Variants in MAP3K13 observed in about 807,000 individuals in gnomAD.
MAP3K13 encodes mitogen-activated protein kinase kinase kinase 13.
In MAP3K13, 52 loss-of-function variants were observed where a neutral mutation model predicts 104.0. The ratio of observed to expected loss-of-function variants is 0.50; its 90% CI spans 0.40 to 0.63. MAP3K13 has a LOEUF of 0.63. Ranked by LOEUF, MAP3K13 falls within the 20% of genes least tolerant of loss-of-function variation. The pLI is 0.00. For synonymous variants in MAP3K13, 394 were observed against 442.2 expected, an observed-to-expected ratio of 0.89 and a Z score of 1.37; for missense variants, 914 against 1,218.5, an observed-to-expected ratio of 0.75 and a Z score of 3.72.
intron 12 of MAP3K13, 170 bp from the exon 13 acceptor site, chr3:185,480,062 C>T (rs1560137016): frequency 3.0e-6 from 2 of 658,826 alleles, no homozygotes; most frequent in African/African-American, 1.8e-5. Context: ...AAAATTCAGT[C>T]CATTGCCTTA....
At chr3:185,389,819 T>A (rs555126611) in intron 1 of MAP3K13, among the ~76,000 whole-genome samples, 7 of 152,086 alleles carry the variant, frequency 4.6e-5, no homozygotes, top group South Asian at 2.1e-4. Flanking sequence ...TAATTTATTT[T>A]AAAAATAATA....
chr3:185,412,647 A>C (rs1407210241), intron 1 of MAP3K13, among the ~76,000 whole-genome samples: 1 of 152,340 alleles, frequency 6.6e-6, no homozygotes, highest in Middle Eastern at 3.4e-3. Flanking sequence ...TAAAAATTAA[A>C]GCTCAGGACT....
intron 11 of MAP3K13, among the ~76,000 whole-genome samples, chr3:185,474,634 T>C (rs1357944398): frequency 1.3e-5 from 2 of 152,212 alleles, no homozygotes; most frequent in Non-Finnish European, 2.9e-5. Context: ...CTTCACACTT[T>C]GGAAAACATT....
intron 7 of MAP3K13, among the ~76,000 whole-genome samples, chr3:185,456,205 A>G (rs1054540481): frequency 6.6e-6 from 1 of 152,014 alleles, no homozygotes; most frequent in Non-Finnish European, 1.5e-5. Flanking sequence ...TCCTGTTACC[A>G]AAGTTCTAAC....
chr3:185,375,204 TG>T (rs1369008698), intron 1 of MAP3K13, among the ~76,000 whole-genome samples: 13 of 152,090 alleles, frequency 8.5e-5, no homozygotes, highest in Non-Finnish European at 8.8e-5. Context: ...TTAGACCCTG[TG>T]GGAAAGGCCT....
chr3:185,307,634 C>A (rs1013277312), intron 2 of MAP3K13, among the ~76,000 whole-genome samples: 2 of 146,570 alleles, frequency 1.4e-5, no homozygotes, highest in Admixed American at 1.4e-4. Flanking sequence ...ACCTCCGCCT[C>A]CCAGGTTAAA....
rs1194337978 is a variant in MAP3K13, at chr3:185,431,236, T to C, written c.475+2180T>C. ...CCAAACTATATCACATATTGTTTTGTAATATTTTGTCACTTCATATTGTGA... is the reference window on the plus strand; with the variant it reads ...CCAAACTATATCACATATTGTTTTGCAATATTTTGTCACTTCATATTGTGA... On this transcript the variant is annotated intron_variant, in intron 2 of 13. Transcript: ENST00000265026. 5.3e-5 allele frequency among the ~76,000 whole-genome samples: 8 copies of C among 152,356 alleles called. No homozygotes were observed. In the East Asian group the frequency reaches 1.3e-3, roughly 26 times the overall value.
Position 185,488,600 on chromosome 3 carries a change from T to G in MAP3K13, c.*6144T>G, listed in dbSNP as rs1463194246. On this transcript the variant is annotated 3_prime_UTR_variant, in exon 14 of 14. Coordinates refer to ENST00000265026, the MANE Select transcript of MAP3K13 (RefSeq NM_004721.5). ...CCCTAAGCAGATGGCAAGGCCACTG[T>G]AAGGAAGCTCCCGGCAGCATCCCAG... is the stretch of plus-strand genomic sequence containing the variant. 6.6e-6 allele frequency: 1 copy of G among 152,210 alleles called. No homozygotes were observed. Among genetic ancestry groups the G allele is most frequent in the Non-Finnish European group, 1.5e-5 (1 of 68,090 alleles). The allele number at this position is 152,210 out of a possible 1,614,324, so 9.4% of individuals were successfully genotyped here.
chr3:185,469,687 G>A (rs75298920), intron 10 of MAP3K13, among the ~76,000 whole-genome samples: 5,242 of 152,304 alleles, frequency 0.034, 128 homozygotes, highest in Middle Eastern at 0.068. Flanking sequence ...AGCTGTGGCT[G>A]TTCAATGTGT....
intron 2 of MAP3K13, among the ~76,000 whole-genome samples, chr3:185,327,383 G>C (rs1353313474): frequency 6.6e-6 from 1 of 152,114 alleles, no homozygotes; most frequent in Non-Finnish European, 1.5e-5. Flanking sequence ...CATATTCACA[G>C]GTTCTCAGGA....
chr3:185,361,174 T>C (rs1194083967), upstream of MAP3K13, among the ~76,000 whole-genome samples: 1 of 150,962 alleles, frequency 6.6e-6, no homozygotes, highest in Admixed American at 6.6e-5. Context: ...TGTGTGTGTA[T>C]ATATTATATA....
chr3:185,306,905 A>G (rs970779445), intron 2 of MAP3K13, among the ~76,000 whole-genome samples: 56 of 152,176 alleles, frequency 3.7e-4, no homozygotes, highest in African/African-American at 1.3e-3. Flanking sequence ...TAGGATTATT[A>G]CAGTTTGAGG....
chr3:185,341,580 T>C (rs1430230264), intron 2 of MAP3K13, among the ~76,000 whole-genome samples: 3 of 152,190 alleles, frequency 2.0e-5, no homozygotes, highest in Non-Finnish European at 4.4e-5. Flanking sequence ...AAGCCTGTGG[T>C]AGTGATTTTA....
chr3:185,343,239 A>C lies in MAP3K13; in HGVS notation c.-86+57596A>C, dbSNP rs141863418. Among the ~76,000 whole-genome samples, 290 of 152,328 alleles carry C rather than the reference A, an allele frequency of 1.9e-3. 2 individuals carry two copies. Among genetic ancestry groups the C allele is most frequent in the African/African-American group, 6.6e-3 (273 of 41,566 alleles). ...AGTATTACACTCAAAGAGGGGAATC[A>C]CACAAGGGTGTGAACACGAGAAGGT... On this transcript the variant is annotated intron_variant, in intron 2 of 14. Transcript: ENST00000424227.
chr3:185,455,775 TATATATATGAGATATATATATG>T (rs1716659764), intron 7 of MAP3K13, among the ~76,000 whole-genome samples: 1 of 66,578 alleles, frequency 1.5e-5, no homozygotes, highest in Non-Finnish European at 2.9e-5. Context: ...ATATATATGA[TATATATATGAGATATATATATG>T]AGATATATGA....
chr3:185,334,375 CA>C (rs1722392404), intron 2 of MAP3K13, among the ~76,000 whole-genome samples: 1 of 151,976 alleles, frequency 6.6e-6, no homozygotes, highest in Non-Finnish European at 1.5e-5. Flanking sequence ...TGAAAAGTAA[CA>C]AAAAGGTAAA....
intron 7 of MAP3K13, among the ~76,000 whole-genome samples, chr3:185,459,651 T>C (rs1230409075): frequency 6.6e-6 from 1 of 152,030 alleles, no homozygotes; most frequent in African/African-American, 2.4e-5. Context: ...GGTTTCACCA[T>C]GTTGGCCAAG....
chr3:185,322,920 C>T (rs1452633233), intron 2 of MAP3K13, among the ~76,000 whole-genome samples: 2 of 152,146 alleles, frequency 1.3e-5, no homozygotes, highest in Non-Finnish European at 2.9e-5. Flanking sequence ...TGTAGGCCCT[C>T]GTCACCTCAT....
At position 185,283,425 on chromosome 3, in the gene MAP3K13, C is replaced by G. The variant is rs149054509; in HGVS notation, c.-205+398C>G. On this transcript the variant is annotated intron_variant, in intron 1 of 14. Transcript: ENST00000424227. ...GACCTCGACTTTTTGTCTCTTAACT[C>G]GTAGCATAGTGCCTTGCGACAAGTA... 4.4e-3 allele frequency among the ~76,000 whole-genome samples: 663 copies of G among 152,210 alleles called. 3 individuals carry two copies. Among genetic ancestry groups the G allele is most frequent in the African/African-American group, 0.015 (627 of 41,516 alleles).
Sources: gnomAD v4.1 joint callset for allele counts (sites outside exome capture counted in the v4.1 genomes callset) on GRCh38, gnomAD v4.1.1 for gene constraint, MANE v1.5 for transcripts, NCBI Gene and HGNC (gene_info 2026-07-23, HGNC 2026-07-21) for gene names.